ATP1B3: variants seen among roughly 807,000 people sequenced by gnomAD.
ATP1B3 encodes sodium/potassium-transporting ATPase subunit beta-3.
ATP1B3 carries 10 observed loss-of-function variants against 30.2 expected under a neutral mutation model. The ratio of observed to expected loss-of-function variants is 0.33; its 90% CI spans 0.20 to 0.56. ATP1B3 has a LOEUF of 0.56. Among genes scored for constraint, ATP1B3 ranks in the 20% least tolerant of loss-of-function variants. The probability of loss-of-function intolerance (pLI) is 0.90; values close to 1 mark genes in which losing one functional copy is unlikely to be tolerated. For missense variants in ATP1B3, 238 were observed against 336.7 expected, an observed-to-expected ratio of 0.71 and a Z score of 2.29; for synonymous variants, 113 against 117.0, an observed-to-expected ratio of 0.97 and a Z score of 0.22.
intron 3 of ATP1B3, among the ~76,000 whole-genome samples, chr3:141,912,674 A>G (rs1934388113): frequency 6.6e-6 from 1 of 152,164 alleles, no homozygotes; most frequent in Non-Finnish European, 1.5e-5. Flanking sequence ...ATTAGTAAGC[A>G]TTGTCCACTA....
At chr3:141,919,701 G>A (rs1019082543) in intron 5 of ATP1B3, among the ~76,000 whole-genome samples, 1 of 152,128 alleles carries the variant, frequency 6.6e-6, no homozygotes, top group Non-Finnish European at 1.5e-5. Flanking sequence ...CACTTTGGGA[G>A]GCCAAGGTAG....
At chr3:141,894,308 T>G (rs1017099686) in intron 1 of ATP1B3, among the ~76,000 whole-genome samples, 1 of 150,810 alleles carries the variant, frequency 6.6e-6, no homozygotes, top group African/African-American at 2.4e-5. Context: ...TAACCTTAGC[T>G]TACTGTAACT....
chr3:141,884,798 A>C (rs948008946), intron 1 of ATP1B3, among the ~76,000 whole-genome samples: 5 of 152,182 alleles, frequency 3.3e-5, no homozygotes, highest in African/African-American at 4.8e-5. Context: ...ACATATTATT[A>C]GTTCTGTCCC....
chr3:141,898,344 G>A (rs77756642), intron 1 of ATP1B3, among the ~76,000 whole-genome samples: 1 of 152,130 alleles, frequency 6.6e-6, no homozygotes, highest in Non-Finnish European at 1.5e-5. Context: ...GAAAATAATT[G>A]CACATTATAT....
chr3:141,885,963 A>T (rs1933825494), intron 1 of ATP1B3, among the ~76,000 whole-genome samples: 1 of 151,490 alleles, frequency 6.6e-6, no homozygotes, highest in Non-Finnish European at 1.5e-5. Flanking sequence ...GTGGGTCTTA[A>T]CTACTGGTGC....
rs185047998 is a variant in ATP1B3 at position 141,916,119 on chromosome 3, A to G, written c.582+99A>G. 2.7e-4 allele frequency: 290 copies of G among 1,068,478 alleles called. 4 individuals carry two copies. In the East Asian group the frequency reaches 7.1e-3, roughly 26 times the overall value. The allele number at this position is 1,068,478 out of a possible 1,614,324, so 66.2% of individuals were successfully genotyped here. A position where few individuals can be genotyped will look rare whatever the true frequency, so the allele number is the denominator to read the frequency against. ...TCATCTTTTTTTTCTTCCCTGTCAC[A>G]TTTTAAAGTCCTTTGTAGTGCCTTA... On this transcript the variant is annotated intron_variant, in intron 5 of 6. Coordinates refer to ENST00000286371, the MANE Select transcript of ATP1B3 (RefSeq NM_001679.4).
chr3:141,908,757 C>G (rs1410622501), intron 3 of ATP1B3, among the ~76,000 whole-genome samples: 13 of 152,194 alleles, frequency 8.5e-5, no homozygotes, highest in African/African-American at 3.1e-4. Flanking sequence ...AAGCCTCTAA[C>G]CCCTTACCTT....
At chr3:141,903,052 A>C (rs908499362) in intron 1 of ATP1B3, 2 of 150,646 alleles carry the variant, frequency 1.3e-5, no homozygotes, top group African/African-American at 5.1e-5. Flanking sequence ...GTAAAGACAA[A>C]GTGTTTCCTG....
chr3:141,903,468 G>A (rs1934204636), intron 1 of ATP1B3, 152 bp from the exon 2 acceptor site: 1 of 1,136,782 alleles, frequency 8.8e-7, no homozygotes, highest in African/African-American at 1.6e-5. Context: ...GCAAATTTAT[G>A]TGTCCTGAAT....
At chr3:141,904,794 C>T (rs1016367915) in intron 2 of ATP1B3, among the ~76,000 whole-genome samples, 1 of 144,194 alleles carries the variant, frequency 6.9e-6, no homozygotes, top group African/African-American at 2.6e-5. Context: ...ACTGCAACCT[C>T]TGCCTCCCGG....
intron 3 of ATP1B3, among the ~76,000 whole-genome samples, chr3:141,911,990 C>G (rs16851963): frequency 0.08 from 12,112 of 152,182 alleles, 547 homozygotes; most frequent in Middle Eastern, 0.16. Context: ...TGACCTATAC[C>G]AACAGAGTCT....
intron 3 of ATP1B3, among the ~76,000 whole-genome samples, chr3:141,910,010 G>A (rs985179810): frequency 2.6e-5 from 4 of 152,074 alleles, no homozygotes; most frequent in Admixed American, 6.6e-5. Flanking sequence ...CTGAGATGGG[G>A]TCTCTCTCTG....
chr3:141,882,325 A>C (rs1400070088), intron 1 of ATP1B3, among the ~76,000 whole-genome samples: 3 of 152,216 alleles, frequency 2.0e-5, no homozygotes, highest in African/African-American at 7.2e-5. Context: ...TATAACCACT[A>C]TTAACATTTT....
chr3:141,925,401 A>G, intron 6 of ATP1B3, 130 bp from the exon 7 acceptor site: 2 of 916,034 alleles, frequency 2.2e-6, no homozygotes, highest in Admixed American at 3.0e-5. Context: ...ATGAGCCATA[A>G]TTGCACCACT....
chr3:141,891,903 T>C (rs1933961357), intron 1 of ATP1B3, among the ~76,000 whole-genome samples: 1 of 151,732 alleles, frequency 6.6e-6, no homozygotes, highest in Non-Finnish European at 1.5e-5. Flanking sequence ...TTTTTTTTTT[T>C]AATGTTTTTT....
In ATP1B3 at chr3:141,913,060, A is replaced by G. The variant is rs1054953227; in HGVS notation, c.347-592A>G. Among the ~76,000 whole-genome samples, 8 of 152,230 alleles carry G rather than the reference A, an allele frequency of 5.3e-5. No individual in the cohort carries two copies. The South Asian group carries it at 6.2e-4, about 12-fold the overall frequency. On this transcript the variant is annotated intron_variant, in intron 3 of 6. Coordinates refer to ENST00000286371, the MANE Select transcript of ATP1B3 (RefSeq NM_001679.4). ...GTGGATTGTTAATTGATGTTTGGCA[A>G]AACACCCACCCACACCCCTCAAAAT... is the stretch of plus-strand genomic sequence containing the variant.
intron 2 of ATP1B3, 39 bp downstream of exon 2, chr3:141,903,787 T>C: frequency 6.3e-7 from 1 of 1,598,308 alleles, no homozygotes; most frequent in Non-Finnish European, 8.5e-7. Context: ...TTTTGTTTTT[T>C]GTTTTTTTTT....
At chr3:141,899,050 A>G (rs1045596535) in intron 1 of ATP1B3, among the ~76,000 whole-genome samples, 2 of 152,176 alleles carry the variant, frequency 1.3e-5, no homozygotes, top group African/African-American at 2.4e-5. Context: ...GACAAAGTAG[A>G]CTAGTGATTG....
In ATP1B3 at chr3:141,890,259, TTTTG is replaced by T. The variant is rs1434644651; in HGVS notation, c.110-13349_110-13346del. On this transcript the variant is annotated intron_variant, in intron 1 of 6. Transcript: ENST00000286371. ...CACCACACCTGGCTAATTTTTTGAT[TTTTG>T]TTTGTTTGTTTTTTTGTGGGGCTTT... 4.7e-5 allele frequency among the ~76,000 whole-genome samples: 7 copies of T among 147,540 alleles called. No individual in the cohort carries two copies. The East Asian group carries it at 7.9e-4, about 17-fold the overall frequency.
Sources: allele counts gnomAD v4.1 joint callset (sites outside exome capture counted in the v4.1 genomes callset), GRCh38; gene constraint gnomAD v4.1.1; transcripts MANE v1.5; gene names NCBI Gene and HGNC (gene_info 2026-07-23, HGNC 2026-07-21).